Variants in NEK11 observed in about 807,000 individuals in gnomAD.
NEK11 encodes the protein NIMA related kinase 11, also known as serine/threonine-protein kinase Nek11.
NEK11 carries 72 observed loss-of-function variants against 80.7 expected under a neutral mutation model. The observed-to-expected ratio is 0.89, with a 90% CI of 0.74 to 1.08. The LOEUF is 1.08. Among genes scored for constraint, NEK11 ranks in the 50% least tolerant of loss-of-function variants. The pLI is 0.00. For missense variants in NEK11, 764 were observed against 763.6 expected, an observed-to-expected ratio of 1.00 and a Z score of -0.01; for synonymous variants, 251 against 260.7, an observed-to-expected ratio of 0.96 and a Z score of 0.36.
At chr3:131,224,291 G>A (rs1056941130) in intron 14 of NEK11, among the ~76,000 whole-genome samples, 13 of 151,820 alleles carry the variant, frequency 8.6e-5, no homozygotes, top group African/African-American at 2.7e-4. Context: ...GCAGTGGCAC[G>A]ATCTCGGCTC....
At chr3:131,028,903 A>G (rs2064357805) in intron 2 of NEK11, among the ~76,000 whole-genome samples, 1 of 152,216 alleles carries the variant, frequency 6.6e-6, no homozygotes, top group African/African-American at 2.4e-5. Context: ...TCCCTGAGGA[A>G]TTACAGATTT....
chr3:131,096,525 T>G (rs2077456188), intron 4 of NEK11, among the ~76,000 whole-genome samples: 1 of 152,134 alleles, frequency 6.6e-6, no homozygotes, highest in South Asian at 2.1e-4. Context: ...ATGATCTATT[T>G]TCCTTTGGGT....
At chr3:131,199,276 G>GA (rs1334954377) in intron 14 of NEK11, among the ~76,000 whole-genome samples, 2 of 151,820 alleles carry the variant, frequency 1.3e-5, no homozygotes, top group African/African-American at 4.8e-5. Context: ...AAACCCAACA[G>GA]AAAAATGAGC....
chr3:131,169,774 A>G (rs1416566714), intron 13 of NEK11, among the ~76,000 whole-genome samples: 1 of 152,186 alleles, frequency 6.6e-6, no homozygotes. Flanking sequence ...TTTCTCTTCA[A>G]AGAGAAACTC....
rs141522258 is a variant in NEK11 at position 131,191,666 on chromosome 3, C to A, written c.1399+20779C>A. Among the ~76,000 whole-genome samples the A allele has an allele frequency of 4.7e-4, 72 of 152,194 alleles. No individual in the cohort carries two copies. The East Asian group carries it at 0.014, about 29-fold the overall frequency. ...TGAACATTGTTTGGGGGTTATTATTCTGCCTACTACAAATACTCTGAATTC... is the reference window on the plus strand; with the variant it reads ...TGAACATTGTTTGGGGGTTATTATTATGCCTACTACAAATACTCTGAATTC... On this transcript the variant is annotated intron_variant, in intron 14 of 17. Transcript: ENST00000383366.
intron 17 of NEK11, among the ~76,000 whole-genome samples, chr3:131,322,190 C>G (rs2096904229): frequency 1.3e-5 from 2 of 152,150 alleles, no homozygotes; most frequent in Non-Finnish European, 2.9e-5. Flanking sequence ...TCCTTTGCAG[C>G]AACATGGATG....
chr3:131,210,985 T>A (rs536247207), intron 14 of NEK11, among the ~76,000 whole-genome samples: 1 of 152,336 alleles, frequency 6.6e-6, no homozygotes, highest in Admixed American at 6.5e-5. Context: ...TTAAGATTAA[T>A]ATTGTTATGT....
At chr3:131,083,308 G>T (rs2075546460) in intron 4 of NEK11, among the ~76,000 whole-genome samples, 4 of 152,092 alleles carry the variant, frequency 2.6e-5, no homozygotes, top group Admixed American at 2.6e-4. Context: ...TTAAATGATG[G>T]GTGGTTTCAG....
chr3:131,128,492 T>G (rs547583279), intron 5 of NEK11, among the ~76,000 whole-genome samples: 4 of 152,384 alleles, frequency 2.6e-5, no homozygotes, highest in African/African-American at 9.6e-5. Context: ...ATAGCTCATA[T>G]CTTCTTAGCA....
rs374629839 is a variant in NEK11, at chr3:131,277,749, C to A, written c.1718+4175C>A. Among the ~76,000 whole-genome samples the A allele has an allele frequency of 2.9e-4, 44 of 152,296 alleles. No individual in the cohort carries two copies. The South Asian group carries it at 6.4e-3, about 22-fold the overall frequency. On this transcript the variant is annotated intron_variant, in intron 17 of 17. Coordinates refer to ENST00000383366, the MANE Select transcript of NEK11 (RefSeq NM_024800.5). The stretch of plus-strand genomic sequence containing the variant: ...GGGGCAAGCTGCTGGGATTTATATC[C>A]CTCCTTGCCACTGACTAATATGTGT...
chr3:131,335,744 T>G (rs1259899905), intron 17 of NEK11, among the ~76,000 whole-genome samples: 2 of 152,328 alleles, frequency 1.3e-5, no homozygotes, highest in East Asian at 1.9e-4. Flanking sequence ...AAAATCTCCT[T>G]AAGCTGATAA....
chr3:131,184,123 T>C (rs2093495323), intron 14 of NEK11, among the ~76,000 whole-genome samples: 1 of 152,188 alleles, frequency 6.6e-6, no homozygotes, highest in Admixed American at 6.5e-5. Flanking sequence ...CCAGCAGGCA[T>C]CATGGTAAAA....
chr3:131,275,295 C>G (rs535055151), intron 17 of NEK11, among the ~76,000 whole-genome samples: 36 of 152,200 alleles, frequency 2.4e-4, no homozygotes, highest in Admixed American at 1.8e-3. Context: ...CTTATTTTAC[C>G]CGTAAAAGTT....
chr3:131,068,589 A>G (rs2072520472), intron 3 of NEK11, among the ~76,000 whole-genome samples: 1 of 152,084 alleles, frequency 6.6e-6, no homozygotes, highest in Non-Finnish European at 1.5e-5. Flanking sequence ...CCTGAGGAGG[A>G]TGTCTCTGCT....
chr3:131,347,534 A>G (rs1168124658), intron 17 of NEK11, among the ~76,000 whole-genome samples: 1 of 152,192 alleles, frequency 6.6e-6, no homozygotes, highest in East Asian at 1.9e-4. Flanking sequence ...ACTGAACAAT[A>G]AAAGCTTATA....
intron 4 of NEK11, among the ~76,000 whole-genome samples, chr3:131,086,838 T>C (rs1045705122): frequency 6.6e-6 from 1 of 152,216 alleles, no homozygotes; most frequent in Non-Finnish European, 1.5e-5. Context: ...CAAATTTTAA[T>C]GTGATGATAT....
intron 3 of NEK11, among the ~76,000 whole-genome samples, chr3:131,046,759 G>A (rs963590331): frequency 1.3e-5 from 2 of 152,162 alleles, no homozygotes; most frequent in African/African-American, 4.8e-5. Flanking sequence ...ACAGCCTGAT[G>A]AGTGTGTGCC....
chr3:131,328,164 C>T (rs1031361425), intron 17 of NEK11, among the ~76,000 whole-genome samples: 2 of 151,856 alleles, frequency 1.3e-5, no homozygotes, highest in African/African-American at 4.8e-5. Context: ...GTGGTGTATT[C>T]CTGTAGTCCC....
chr3:131,117,291 TGTG>T (rs1204923509), intron 5 of NEK11, among the ~76,000 whole-genome samples: 2 of 152,192 alleles, frequency 1.3e-5, no homozygotes, highest in African/African-American at 4.8e-5. Context: ...GTTGTAGATG[TGTG>T]GTATTATTTC....
Sources: allele counts gnomAD v4.1 joint callset (sites outside exome capture counted in the v4.1 genomes callset), GRCh38; gene constraint gnomAD v4.1.1; transcripts MANE v1.5; gene names NCBI Gene and HGNC (gene_info 2026-07-23, HGNC 2026-07-21).